The following MYH11 variants were observed in gnomAD, a reference collection of about 807,000 sequenced individuals.
MYH11 encodes the protein myosin-11.
In MYH11, 80 loss-of-function variants were observed where a neutral mutation model predicts 246.6. The observed-to-expected ratio is 0.32, with a 90% CI of 0.27 to 0.39. The LOEUF is 0.39. MYH11 is among the 10% of genes least tolerant of loss of function. The pLI, the probability that MYH11 is intolerant of heterozygous loss-of-function variation, is 1.00. For missense variants in MYH11, 2,158 were observed against 2,546.8 expected (o/e 0.85, Z 3.29); for synonymous variants, 1,071 against 1,015.5 (o/e 1.05, Z -1.04).
chr16:15,741,741 C>T lies in MYH11; in HGVS notation c.2652+19G>A, dbSNP rs768204913. On this transcript the variant is annotated intron_variant, in intron 21 of 40. Coordinates refer to ENST00000300036, the MANE Select transcript of MYH11 (RefSeq NM_002474.3). ...AGTCCTGTTCCCCAGCAACCCCAGC[C>T]ATGCATCCATACAGGTACCTGCGAG... 2.5e-6 allele frequency: 4 copies of T among 1,614,154 alleles called. 1 individual carries two copies. The Admixed American group carries it at 5.0e-5, about 20-fold the overall frequency.
Position 15,724,190 on chromosome 16 carries a change from G to T in MYH11, c.4336C>A (p.Leu1446Met). 6.2e-7 allele frequency: 1 copy of T among 1,614,026 alleles called. No individual in the cohort carries two copies. Among genetic ancestry groups the T allele is most frequent in the Non-Finnish European group, 8.5e-7 (1 of 1,180,048 alleles). The part of the protein sequence containing the change: ...LDNQRQLVSN[L>M]EKKQRKFDQL... The stretch of plus-strand genomic sequence containing the variant: ...TCAAATTTCCTCTGCTTCTTTTCCA[G>T]GTTGGACACGAGTTGCCGCTGGTTG... Residue 1446 changes from leucine (L) to methionine (M), a missense_variant, in exon 31 of 41, where the codon CTG (leucine) becomes ATG (methionine). Leu to Met is a conservative substitution (Grantham distance 15, BLOSUM62 2). Transcript: ENST00000300036.
At chr16:15,760,490 T>A in intron 11 of MYH11, 50 bp downstream of exon 11, 1 of 1,331,062 alleles carries the variant, frequency 7.5e-7, no homozygotes, top group South Asian at 1.2e-5. Context: ...GATGGATGAA[T>A]GGATGGATGG....
chr16:15,766,372 TGTGTGTGTGTGTGTGTGA>T (rs1317624219), intron 9 of MYH11, among the ~76,000 whole-genome samples: 1 of 144,638 alleles, frequency 6.9e-6, no homozygotes, highest in East Asian at 2.0e-4. Flanking sequence ...TGTGTGTGTG[TGTGTGTGTGTGTGTGTGA>T]GACTGAGTCT....
intron 1 of MYH11, among the ~76,000 whole-genome samples, chr16:15,853,750 C>T (rs1020280565): frequency 2.0e-4 from 31 of 152,240 alleles, no homozygotes; most frequent in African/African-American, 7.2e-4. Flanking sequence ...AAGCCAGGCG[C>T]GGTGGCTCAC....
chr16:15,832,580 T>C (rs1425249694), intron 2 of MYH11, among the ~76,000 whole-genome samples: 3 of 152,212 alleles, frequency 2.0e-5, no homozygotes, highest in African/African-American at 7.2e-5. Flanking sequence ...AACAGATTTC[T>C]TTTTTTGATA....
chr16:15,763,673 C>T (rs896024347), intron 10 of MYH11, 123 bp downstream of exon 10: 1 of 839,936 alleles, frequency 1.2e-6, no homozygotes, highest in Admixed American at 1.8e-5. Context: ...TGATAAGAAC[C>T]TAGTCCAACT....
At chr16:15,831,130 C>A (rs1029704715) in intron 2 of MYH11, among the ~76,000 whole-genome samples, 15 of 152,046 alleles carry the variant, frequency 9.9e-5, no homozygotes, top group Middle Eastern at 6.3e-3. Context: ...CAAGATCATG[C>A]CACTTCACTC....
chr16:15,725,733 A>G (rs896892222), intron 28 of MYH11: 3 of 398,628 alleles, frequency 7.5e-6, no homozygotes, highest in African/African-American at 6.2e-5. Flanking sequence ...CATGTTAAAC[A>G]TTTGTGAAAA....
chr16:15,852,379 C>A (rs1488052173), intron 1 of MYH11, among the ~76,000 whole-genome samples: 1 of 140,004 alleles, frequency 7.1e-6, no homozygotes, highest in Non-Finnish European at 1.5e-5. Context: ...TTTGCCCAGG[C>A]TGGAGTGCAG....
rs1285525552 is a variant in MYH11, at chr16:15,721,199, G to A, written c.4579-148C>T. ...GGCCGGGACTCAAGATGACCCCTGAGAGTTCAGACCCCAGCCTTATCCTCG... is the reference window on the plus strand; with the variant it reads ...GGCCGGGACTCAAGATGACCCCTGAAAGTTCAGACCCCAGCCTTATCCTCG... On this transcript the variant is annotated intron_variant, in intron 32 of 40. Coordinates refer to ENST00000300036, the MANE Select transcript of MYH11 (RefSeq NM_002474.3). 23 of 989,278 alleles carry A rather than the reference G, an allele frequency of 2.3e-5. No individual in the cohort carries two copies. In the South Asian group the frequency reaches 2.7e-4, roughly 12 times the overall value. 61.3% of individuals were successfully genotyped at this position (989,278 alleles called of 1,614,324 possible). A position where few individuals can be genotyped will look rare whatever the true frequency, so the allele number is the denominator to read the frequency against.
intron 1 of MYH11, among the ~76,000 whole-genome samples, chr16:15,849,505 G>A (rs754184091): frequency 6.6e-6 from 1 of 151,968 alleles, no homozygotes; most frequent in African/African-American, 2.4e-5. Context: ...GAAGTGGCGC[G>A]ATCTCTGCTT....
intron 11 of MYH11, among the ~76,000 whole-genome samples, chr16:15,759,975 T>C (rs905491702): frequency 1.3e-5 from 2 of 152,158 alleles, no homozygotes; most frequent in African/African-American, 4.8e-5. Context: ...TGCATGCCTG[T>C]AGTCCCAGCT....
chr16:15,713,379 T>C (rs2151187411), intron 40 of MYH11: 1 of 152,066 alleles, frequency 6.6e-6, no homozygotes, highest in Admixed American at 6.6e-5. Context: ...TGAGAGAGAA[T>C]GGGGAGGAGC....
At chr16:15,737,764 C>T in intron 24 of MYH11, 144 bp from the exon 25 acceptor site, 1 of 815,508 alleles carries the variant, frequency 1.2e-6, no homozygotes, top group East Asian at 2.6e-5. Context: ...GGACCATTAT[C>T]TCCCGATGAA....
Position 15,745,249 on chromosome 16 carries a change from G to A in MYH11, c.2412-12C>T, listed in dbSNP as rs1408919174. The A allele has an allele frequency of 4.4e-6, 7 of 1,605,618 alleles. No individual in the cohort carries two copies. The highest frequency in any genetic ancestry group is 1.7e-5 in the Admixed American group (1 of 59,994). On this transcript the variant is annotated splice_polypyrimidine_tract_variant and intron_variant, in intron 19 of 40. Transcript: ENST00000300036. ...TCTTGGCAAAAGCCCTAGGGAGGGG[G>A]GAAGAGAAGGTGCGGGGGTCATGAA...
chr16:15,844,574 A>G (rs536347112), intron 1 of MYH11, among the ~76,000 whole-genome samples: 1 of 152,344 alleles, frequency 6.6e-6, no homozygotes, highest in East Asian at 1.9e-4. Flanking sequence ...ATTGAAAGAA[A>G]AGAGGCTGGC....
chr16:15,818,327 A>C (rs2043313366), intron 3 of MYH11, among the ~76,000 whole-genome samples: 1 of 152,228 alleles, frequency 6.6e-6, no homozygotes, highest in African/African-American at 2.4e-5. Context: ...GTTTCTTCAC[A>C]AAAACCAATT....
chr16:15,784,081 G>A (rs1297367732), intron 5 of MYH11, among the ~76,000 whole-genome samples: 2 of 152,102 alleles, frequency 1.3e-5, no homozygotes, highest in African/African-American at 4.8e-5. Context: ...GCGTAGCTGG[G>A]GCCTTACCGC....
chr16:15,750,282 C>T lies in MYH11; in HGVS notation c.1914G>A (p.Ser638=), dbSNP rs749496185. ...LDQMAKMTES[S]LPSASKTKKG... ...TCTTGGTCTTGGAGGCGCTGGGCAG[C>T]GAGCTCTCCGTCATCTTGGCCATCT... The change falls in exon 16 of 41, where the codon TCG becomes TCA. Residue 638 remains serine, a synonymous_variant. Coordinates refer to ENST00000300036, the MANE Select transcript of MYH11 (RefSeq NM_002474.3). This position sits in a 1 kb window ranked among gnomAD's most constrained non-coding sequence, Gnocchi z 4.3. 69 of 1,613,632 alleles carry T rather than the reference C, an allele frequency of 4.3e-5. No homozygotes were observed. In the South Asian group the frequency reaches 4.7e-4, roughly 11 times the overall value.
Sources: gnomAD v4.1 joint callset for allele counts (sites outside exome capture counted in the v4.1 genomes callset) on GRCh38, gnomAD v4.1.1 for gene constraint, Gnocchi (gnomAD v3.1) non-coding constraint, MANE v1.5 for transcripts, NCBI Gene and HGNC (gene_info 2026-07-23, HGNC 2026-07-21) for gene names.